Variants in TTC6 observed in about 807,000 individuals in gnomAD.
TTC6 encodes the protein tetratricopeptide repeat protein 6.
Under a neutral mutation model 210.4 loss-of-function variants are expected in TTC6, and 172 were observed. The ratio of observed to expected loss-of-function variants is 0.82; its 90% confidence interval spans 0.72 to 0.93. TTC6 has a LOEUF of 0.93. Among genes scored for constraint, TTC6 ranks in the 40% least tolerant of loss-of-function variants. TTC6 has a pLI of 0.00. For missense variants in TTC6, 2,414 were observed against 2,318.1 expected, an observed-to-expected ratio of 1.04 and a Z score of -0.85; for synonymous variants, 804 against 819.6, an observed-to-expected ratio of 0.98 and a Z score of 0.32.
At chr14:37,796,021 G>A (rs1407851359) in intron 18 of TTC6, among the ~76,000 whole-genome samples, 1 of 151,918 alleles carries the variant, frequency 6.6e-6, no homozygotes, top group Non-Finnish European at 1.5e-5. Flanking sequence ...TAATTTCTCA[G>A]CAAAAAGTAT....
chr14:37,790,827 T>A (rs1388946105), exon 16 of TTC6: 6 of 1,532,796 alleles, frequency 3.9e-6, no homozygotes, highest in Non-Finnish European at 5.2e-6. Flanking sequence ...AACTGTCATT[T>A]CTCTAGAAAG....
At chr14:37,649,019 A>G (rs2139412452) in intron 1 of TTC6, among the ~76,000 whole-genome samples, 1 of 152,142 alleles carries the variant, frequency 6.6e-6, no homozygotes, top group East Asian at 1.9e-4. Flanking sequence ...CCCAGGATAT[A>G]TAGAGTTTCT....
At chr14:37,721,941 T>TA (rs1372615727) in intron 6 of TTC6, among the ~76,000 whole-genome samples, 21 of 147,442 alleles carry the variant, frequency 1.4e-4, no homozygotes, top group African/African-American at 5.0e-4. Context: ...TATATATATA[T>TA]TTTTTCCCCC....
At position 37,794,246 on chromosome 14, in the gene TTC6, C is replaced by T. The variant is rs1197840844; in HGVS notation, c.3709-1024C>T. Among the ~76,000 whole-genome samples the T allele has an allele frequency of 2.0e-5, 3 of 152,200 alleles. No homozygotes were observed. The East Asian group carries it at 5.8e-4, about 29-fold the overall frequency. On this transcript the variant is annotated intron_variant, in intron 17 of 30. Transcript: ENST00000553443. ...AGGAAGCAGCAGGCATGAAGTTCCA[C>T]AGAAATTTTCCAATTTGTTTAAACT...
chr14:37,776,322 T>C (rs2096037450), intron 14 of TTC6, among the ~76,000 whole-genome samples: 2 of 152,184 alleles, frequency 1.3e-5, no homozygotes, highest in Admixed American at 6.5e-5. Context: ...CATTCAAGGT[T>C]AGTGTTGATG....
chr14:37,706,619 T>A (rs1438407950), intron 5 of TTC6, among the ~76,000 whole-genome samples: 1 of 152,078 alleles, frequency 6.6e-6, no homozygotes. Flanking sequence ...TAATAAAGAA[T>A]GAGGTAGAAT....
rs142113702 is a variant in TTC6, at chr14:37,807,836, A to G, written c.4455+376A>G. On this transcript the variant is annotated intron_variant, in intron 23 of 30. Coordinates refer to ENST00000553443, the Ensembl canonical transcript of TTC6. ...ATTTTCCTCATAATATATGATATAT[A>G]TTTTCCAAAATTTGGACTATGGTAT... Among the ~76,000 whole-genome samples the G allele has an allele frequency of 3.3e-5, 5 of 152,110 alleles. No individual in the cohort carries two copies. The East Asian group carries it at 9.7e-4, about 29-fold the overall frequency.
chr14:37,789,943 G>T (rs1158833129), intron 15 of TTC6, among the ~76,000 whole-genome samples: 1 of 152,000 alleles, frequency 6.6e-6, no homozygotes, highest in East Asian at 1.9e-4. Context: ...AAGCTTTAAA[G>T]ATATCTGTCA....
intron 28 of TTC6, among the ~76,000 whole-genome samples, chr14:37,826,804 T>A (rs1418453330): frequency 6.6e-6 from 1 of 152,120 alleles, no homozygotes. Flanking sequence ...TTTGGGCAGA[T>A]GTTGTAGTGT....
intron 29 of TTC6, among the ~76,000 whole-genome samples, chr14:37,840,059 G>A (rs899050569): frequency 9.2e-5 from 14 of 152,094 alleles, no homozygotes; most frequent in Non-Finnish European, 1.5e-5. Flanking sequence ...TTGTAGTATA[G>A]TTTGAAGTCA....
At chr14:37,618,984 C>T (rs997243164), upstream of TTC6, among the ~76,000 whole-genome samples, 3 of 152,182 alleles carry the variant, frequency 2.0e-5, no homozygotes, top group Non-Finnish European at 2.9e-5. Flanking sequence ...TACCTTTCAA[C>T]CTTTTGCAGG....
intron 8 of TTC6, 145 bp downstream of exon 10, chr14:37,736,155 G>T (rs1290864030): frequency 3.6e-6 from 2 of 558,432 alleles, no homozygotes; most frequent in Non-Finnish European, 6.3e-6. Context: ...GGAGTCTGAG[G>T]TGGGCAGATC....
At chr14:37,633,206 C>G (rs1384369024) in intron 1 of TTC6, among the ~76,000 whole-genome samples, 1 of 152,192 alleles carries the variant, frequency 6.6e-6, no homozygotes, top group African/African-American at 2.4e-5. Context: ...TGATGTCTGC[C>G]CAAATGGCCA....
At chr14:37,805,333 G>A (rs1387057617) in intron 21 of TTC6, among the ~76,000 whole-genome samples, 1 of 151,704 alleles carries the variant, frequency 6.6e-6, no homozygotes, top group African/African-American at 2.4e-5. Context: ...CTTTACTTCA[G>A]ACTTGTCACT....
intron 20 of TTC6, among the ~76,000 whole-genome samples, chr14:37,801,676 G>T (rs2096106968): frequency 6.6e-6 from 1 of 152,170 alleles, no homozygotes; most frequent in Non-Finnish European, 1.5e-5. Flanking sequence ...CCTGAGTGCA[G>T]CCAACAGCCA....
At chr14:37,698,346 A>G (rs2095818564) in intron 4 of TTC6, among the ~76,000 whole-genome samples, 1 of 152,180 alleles carries the variant, frequency 6.6e-6, no homozygotes, top group Non-Finnish European at 1.5e-5. Flanking sequence ...GTAGACTATA[A>G]TGGGTGCATG....
chr14:37,779,139 C>G (rs11845022), intron 14 of TTC6, among the ~76,000 whole-genome samples: 2,560 of 152,322 alleles, frequency 0.017, 80 homozygotes, highest in African/African-American at 0.059. Flanking sequence ...TCCTGCTCAA[C>G]TCATCCTTTC....
At chr14:37,833,201 T>A (rs1405570024) in intron 29 of TTC6, among the ~76,000 whole-genome samples, 1 of 152,176 alleles carries the variant, frequency 6.6e-6, no homozygotes, top group Non-Finnish European at 1.5e-5. Flanking sequence ...CAATGCTGAG[T>A]GAGGTGTTGA....
chr14:37,765,075 G>A (rs1222604891), intron 14 of TTC6, among the ~76,000 whole-genome samples: 1 of 151,706 alleles, frequency 6.6e-6, no homozygotes, highest in Non-Finnish European at 1.5e-5. Flanking sequence ...TATCAACTTA[G>A]TTTCAATAGT....
Sources: allele counts gnomAD v4.1 joint callset (sites outside exome capture counted in the v4.1 genomes callset), GRCh38; gene constraint gnomAD v4.1.1; transcripts MANE v1.5; gene names NCBI Gene and HGNC (gene_info 2026-07-23, HGNC 2026-07-21).